LDLRAD4: variants seen among roughly 807,000 people sequenced by gnomAD.
LDLRAD4 encodes low-density lipoprotein receptor class A domain-containing protein 4.
A neutral mutation model predicts 17.0 loss-of-function variants in LDLRAD4; 5 were observed. That is an observed-to-expected ratio of 0.29 (90% CI 0.15 to 0.62). The LOEUF is 0.62. LDLRAD4 is among the 20% of genes least tolerant of loss of function. LDLRAD4 has a pLI of 0.84. For missense variants in LDLRAD4, 340 were observed against 424.7 expected (o/e 0.80, Z 1.75); for synonymous variants, 168 against 171.8 (o/e 0.98, Z 0.17).
chr18:13,275,104 G>A (rs1011730598), upstream of LDLRAD4, among the ~76,000 whole-genome samples: 2 of 151,950 alleles, frequency 1.3e-5, no homozygotes, highest in South Asian at 4.1e-4. Context: ...TTGGCATTTT[G>A]TTTTAGAATT....
intron 3 of LDLRAD4, among the ~76,000 whole-genome samples, chr18:13,580,671 C>G (rs1466004601): frequency 6.6e-6 from 1 of 152,114 alleles, no homozygotes; most frequent in Non-Finnish European, 1.5e-5. Context: ...GGGGACTGGC[C>G]AGCAGTCACT....
exon 6 of LDLRAD4, chr18:13,651,760 A>T (rs891372460): frequency 6.6e-6 from 1 of 152,246 alleles, no homozygotes; most frequent in Non-Finnish European, 1.5e-5. Context: ...GACCCATATT[A>T]TCAGCTTATT....
At chr18:13,571,369 G>A (rs182971307) in intron 3 of LDLRAD4, among the ~76,000 whole-genome samples, 1 of 152,282 alleles carries the variant, frequency 6.6e-6, no homozygotes, top group East Asian at 1.9e-4. Context: ...TAAAGCATGT[G>A]AAGTTGGTCA....
At position 13,279,512 on chromosome 18, in the gene LDLRAD4, C is replaced by G. The variant is rs1011232560; in HGVS notation, c.-383+1324C>G. 1.3e-5 allele frequency: 2 copies of G among 152,204 alleles called. 1 individual carries two copies. Among genetic ancestry groups the G allele is most frequent in the East Asian group, 3.9e-4 (2 of 5,192 alleles). 9.4% of individuals were successfully genotyped at this position (152,204 alleles called of 1,614,324 possible). ...CTTCAAGTAGAATTTTACTAGGTAG[C>G]GGAACACACCACTGGACTATGCCCC... On this transcript the variant is annotated intron_variant, in intron 1 of 5. Coordinates refer to ENST00000359446, the Ensembl canonical transcript of LDLRAD4.
At chr18:13,306,569 C>T (rs1000241506) in intron 1 of LDLRAD4, among the ~76,000 whole-genome samples, 4 of 152,134 alleles carry the variant, frequency 2.6e-5, no homozygotes, top group South Asian at 2.1e-4. Context: ...TCATTACACA[C>T]GGCGTTCTAT....
intron 1 of LDLRAD4, among the ~76,000 whole-genome samples, chr18:13,239,078 T>TGATTA (rs2042488180): frequency 6.6e-6 from 1 of 150,818 alleles, no homozygotes; most frequent in African/African-American, 2.5e-5. Context: ...TCCCAGCTAC[T>TGATTA]CAGGGGGCTG....
rs116609760 is a variant in LDLRAD4 at position 13,621,008 on chromosome 18, C to G, written c.182-109C>G. On this transcript the variant is annotated intron_variant, in intron 3 of 5. Coordinates refer to ENST00000359446, the Ensembl canonical transcript of LDLRAD4. The surrounding 1 kb of genome is among the most constrained non-coding windows in gnomAD (Gnocchi z 5.5). ...GTCCTGCTGGCCTCTGAGGAACAGACGTGTGTGAGAGGCCTTCAGGGCCTG... is the reference window on the plus strand; with the variant it reads ...GTCCTGCTGGCCTCTGAGGAACAGAGGTGTGTGAGAGGCCTTCAGGGCCTG... 3.4e-6 allele frequency: 5 copies of G among 1,455,542 alleles called. No homozygotes were observed. The highest frequency in any genetic ancestry group is 1.8e-4 in the Middle Eastern group (1 of 5,654). 90.2% of individuals were successfully genotyped at this position (1,455,542 alleles called of 1,614,324 possible). A position where few individuals can be genotyped will look rare whatever the true frequency, so the allele number is the denominator to read the frequency against.
At chr18:13,533,626 T>A (rs867806617) in intron 3 of LDLRAD4, among the ~76,000 whole-genome samples, 54 of 152,216 alleles carry the variant, frequency 3.5e-4, no homozygotes, top group African/African-American at 1.1e-3. Context: ...TTGGAAGTGA[T>A]TATGTACTGA....
chr18:13,293,695 A>G (rs2046100718), intron 1 of LDLRAD4, among the ~76,000 whole-genome samples: 1 of 152,214 alleles, frequency 6.6e-6, no homozygotes, highest in Non-Finnish European at 1.5e-5. Flanking sequence ...TAAGTAAGAC[A>G]TCTTGGATAA....
At chr18:13,603,012 G>T (rs2095182025) in intron 3 of LDLRAD4, among the ~76,000 whole-genome samples, 2 of 152,084 alleles carry the variant, frequency 1.3e-5, no homozygotes, top group Admixed American at 6.5e-5. Context: ...CAGTGAAAAA[G>T]AAAAGTGTTG....
At chr18:13,497,123 G>A (rs2093485685) in intron 3 of LDLRAD4, among the ~76,000 whole-genome samples, 1 of 152,198 alleles carries the variant, frequency 6.6e-6, no homozygotes, top group Admixed American at 6.5e-5. Context: ...TAAATAAAGT[G>A]GAGACTGCTT....
intron 2 of LDLRAD4, among the ~76,000 whole-genome samples, chr18:13,390,780 G>A (rs1360496614): frequency 6.6e-6 from 1 of 152,258 alleles, no homozygotes; most frequent in Non-Finnish European, 1.5e-5. Context: ...GCCAGCACCT[G>A]CAGGGTGGCA....
At chr18:13,318,333 T>A (rs191984005) in intron 1 of LDLRAD4, among the ~76,000 whole-genome samples, 38 of 152,012 alleles carry the variant, frequency 2.5e-4, no homozygotes, top group African/African-American at 9.2e-4. Flanking sequence ...ATGATCTCAG[T>A]TCACTGCAAC....
chr18:13,579,559 G>T (rs2094826690), intron 3 of LDLRAD4, among the ~76,000 whole-genome samples: 1 of 152,192 alleles, frequency 6.6e-6, no homozygotes, highest in Non-Finnish European at 1.5e-5. Context: ...ATCTTGGCTG[G>T]TGATTGGCAT....
chr18:13,466,443 C>T (rs1288147284), intron 3 of LDLRAD4, among the ~76,000 whole-genome samples: 6 of 137,682 alleles, frequency 4.4e-5, no homozygotes, highest in Middle Eastern at 4.5e-3. Context: ...GCACTCCAGC[C>T]TGGGTCACAG....
chr18:13,628,194 A>G (rs749390370), intron 4 of LDLRAD4, among the ~76,000 whole-genome samples: 7 of 152,224 alleles, frequency 4.6e-5, no homozygotes, highest in Non-Finnish European at 1.0e-4. Flanking sequence ...CATGTGGAAA[A>G]CGATGGAAAG....
upstream of LDLRAD4, among the ~76,000 whole-genome samples, chr18:13,274,003 T>A (rs550788001): frequency 5.9e-5 from 9 of 152,260 alleles, no homozygotes; most frequent in South Asian, 1.9e-3. Context: ...CACGTGTGGA[T>A]GCCCCGATGC....
chr18:13,476,582 C>T (rs1172717352), intron 3 of LDLRAD4, among the ~76,000 whole-genome samples: 1 of 150,860 alleles, frequency 6.6e-6, no homozygotes, highest in Non-Finnish European at 1.5e-5. Context: ...TATGATTACA[C>T]CACTGTACTC....
chr18:13,553,719 C>A (rs1406320942), intron 3 of LDLRAD4, among the ~76,000 whole-genome samples: 2 of 152,128 alleles, frequency 1.3e-5, no homozygotes, highest in Non-Finnish European at 2.9e-5. Flanking sequence ...TGCTGATAAC[C>A]GCGTCTGTCC....
Sources: allele counts gnomAD v4.1 joint callset (sites outside exome capture counted in the v4.1 genomes callset), GRCh38; gene constraint gnomAD v4.1.1; non-coding constraint Gnocchi (gnomAD v3.1); transcripts MANE v1.5; gene names NCBI Gene and HGNC (gene_info 2026-07-23, HGNC 2026-07-21).